The following RBFOX1 variants were observed in gnomAD, a reference collection of about 807,000 sequenced individuals.
The protein encoded by RBFOX1 is RNA binding protein fox-1 homolog 1.
In RBFOX1, 8 loss-of-function variants were observed where a neutral mutation model predicts 57.7. The observed-to-expected ratio is 0.14, with a 90% CI of 0.08 to 0.25. The LOEUF is 0.25. Ranked by LOEUF, RBFOX1 falls within the 10% of genes least tolerant of loss-of-function variation. The probability of loss-of-function intolerance (pLI) is 1.00; values close to 1 mark genes in which losing one functional copy is unlikely to be tolerated. For synonymous variants in RBFOX1, 326 were observed against 222.4 expected (o/e 1.47, Z -4.15); for missense variants, 611 against 548.5 (o/e 1.11, Z -1.14).
chr16:6,936,926 C>G (rs1220902980), intron 3 of RBFOX1, among the ~76,000 whole-genome samples: 1 of 119,728 alleles, frequency 8.4e-6, no homozygotes, highest in Non-Finnish European at 1.6e-5. Flanking sequence ...TCCATGTGAT[C>G]TCATTGGGAC....
chr16:7,269,668 T>C (rs1021030045), intron 4 of RBFOX1, among the ~76,000 whole-genome samples: 4 of 152,216 alleles, frequency 2.6e-5, no homozygotes, highest in African/African-American at 7.2e-5. Flanking sequence ...ATTGAAGAAA[T>C]TTTTTATCTT....
intron 3 of RBFOX1, among the ~76,000 whole-genome samples, chr16:6,841,192 A>C (rs186214138): frequency 1.5e-3 from 221 of 152,246 alleles, no homozygotes; most frequent in Middle Eastern, 0.014. Flanking sequence ...TAAGACAATG[A>C]TTATGAAAAG....
chr16:7,402,358 T>G (rs2148827995), intron 4 of RBFOX1, among the ~76,000 whole-genome samples: 1 of 152,356 alleles, frequency 6.6e-6, no homozygotes, highest in Non-Finnish European at 1.5e-5. Context: ...ATTATCAATC[T>G]TTAATAATTT....
chr16:7,620,716 T>C (rs1287294894), intron 10 of RBFOX1, among the ~76,000 whole-genome samples: 1 of 152,196 alleles, frequency 6.6e-6, no homozygotes, highest in African/African-American at 2.4e-5. Flanking sequence ...GAAGGATATG[T>C]TTTTATCAAC....
intron 4 of RBFOX1, among the ~76,000 whole-genome samples, chr16:7,247,677 C>T (rs557572992): frequency 8.5e-5 from 13 of 152,206 alleles, no homozygotes; most frequent in Non-Finnish European, 1.9e-4. Flanking sequence ...ATTTACACAT[C>T]TCTTAATTTA....
chr16:5,749,075 A>G (rs940167317), intron 3 of RBFOX1, among the ~76,000 whole-genome samples: 5 of 152,162 alleles, frequency 3.3e-5, no homozygotes, highest in Admixed American at 1.3e-4. Flanking sequence ...GGTGGTGACA[A>G]AATCTCTCAG....
chr16:6,927,734 C>G (rs1217479018), intron 3 of RBFOX1, among the ~76,000 whole-genome samples: 1 of 151,942 alleles, frequency 6.6e-6, no homozygotes, highest in African/African-American at 2.4e-5. Flanking sequence ...AAGTCAGTGC[C>G]CTATGTAAGG....
intron 1 of RBFOX1, among the ~76,000 whole-genome samples, chr16:6,137,395 C>T (rs898779562): frequency 1.3e-5 from 2 of 152,108 alleles, no homozygotes; most frequent in Admixed American, 6.5e-5. Context: ...GCTGCCTTCT[C>T]CCAGGTTCAA....
At chr16:7,433,798 C>T (rs1479742785) in intron 4 of RBFOX1, among the ~76,000 whole-genome samples, 1 of 152,058 alleles carries the variant, frequency 6.6e-6, no homozygotes, top group African/African-American at 2.4e-5. Flanking sequence ...AGCCAGACAG[C>T]TAGCCAGCCA....
intron 3 of RBFOX1, among the ~76,000 whole-genome samples, chr16:6,673,457 G>A (rs1205290906): frequency 6.6e-6 from 1 of 152,060 alleles, no homozygotes; most frequent in Non-Finnish European, 1.5e-5. Context: ...GCCTGGTGGT[G>A]CATGCCTGTA....
intron 3 of RBFOX1, among the ~76,000 whole-genome samples, chr16:7,035,109 A>T (rs1196834213): frequency 2.0e-5 from 3 of 151,568 alleles, no homozygotes; most frequent in Non-Finnish European, 4.4e-5. Context: ...TGGCCTCCCA[A>T]AGTGCTGGGA....
chr16:7,605,646 C>T (rs556135072), intron 9 of RBFOX1, among the ~76,000 whole-genome samples: 12 of 152,248 alleles, frequency 7.9e-5, no homozygotes, highest in Non-Finnish European at 1.2e-4. Flanking sequence ...ATTCTTAGTT[C>T]GGGCAGAAAA....
At chr16:7,494,032 C>T (rs529761482) in intron 4 of RBFOX1, among the ~76,000 whole-genome samples, 6 of 152,128 alleles carry the variant, frequency 3.9e-5, no homozygotes, top group Admixed American at 6.5e-5. Flanking sequence ...TTCTTATTGG[C>T]TTGTGAATGA....
At chr16:5,625,986 C>A (rs1180830948) in intron 3 of RBFOX1, among the ~76,000 whole-genome samples, 1 of 152,216 alleles carries the variant, frequency 6.6e-6, no homozygotes, top group Non-Finnish European at 1.5e-5. Flanking sequence ...AAACTATTCT[C>A]CTGCCTCAGC....
intron 3 of RBFOX1, among the ~76,000 whole-genome samples, chr16:6,713,013 GCCTTTGCTCCT>G: frequency 6.7e-6 from 1 of 148,810 alleles, no homozygotes; most frequent in South Asian, 2.2e-4. Flanking sequence ...TGTAAGACCT[GCCTTTGCTCCT>G]CCTTTGCTTT....
At chr16:6,184,679 C>T (rs1192564540) in intron 1 of RBFOX1, among the ~76,000 whole-genome samples, 2 of 151,936 alleles carry the variant, frequency 1.3e-5, no homozygotes, top group Admixed American at 6.6e-5. Context: ...CCTGCCTCAC[C>T]GTCTCGAGTA....
chr16:7,146,553 T>C (rs576613501), intron 4 of RBFOX1, among the ~76,000 whole-genome samples: 10 of 152,168 alleles, frequency 6.6e-5, no homozygotes, highest in Non-Finnish European at 1.5e-4. Flanking sequence ...TTCTTTCAGG[T>C]CTTCTTGGGT....
intron 3 of RBFOX1, among the ~76,000 whole-genome samples, chr16:6,995,153 C>T (rs1169798341): frequency 6.6e-6 from 1 of 152,060 alleles, no homozygotes; most frequent in Admixed American, 6.6e-5. Context: ...TCTCAATTCT[C>T]TTGTTATGGA....
Position 5,481,040 on chromosome 16 carries a change from G to A in RBFOX1, c.258+13786G>A, listed in dbSNP as rs181957973. On this transcript the variant is annotated intron_variant, in intron 2 of 2. Coordinates refer to the RBFOX1 transcript ENST00000585867. ...ATCAGAACATTGAATGTGAATGCCT[G>A]TTATCCCACACAAGTCTACTAGCTC... Among the ~76,000 whole-genome samples, 136 of 152,342 alleles carry A rather than the reference G, an allele frequency of 8.9e-4. 1 individual carries two copies. The highest frequency in any genetic ancestry group is 3.2e-3 in the African/African-American group (134 of 41,590).
Sources: allele counts gnomAD v4.1 joint callset (sites outside exome capture counted in the v4.1 genomes callset), GRCh38; gene constraint gnomAD v4.1.1; transcripts MANE v1.5; gene names NCBI Gene and HGNC (gene_info 2026-07-23, HGNC 2026-07-21).